Variants in NEK10 observed in about 807,000 individuals in gnomAD.
NEK10 encodes the protein serine/threonine-protein kinase Nek10.
A neutral mutation model predicts 159.8 loss-of-function variants in NEK10; 122 were observed. The ratio of observed to expected loss-of-function variants is 0.76; its 90% CI spans 0.66 to 0.89. NEK10 has a LOEUF of 0.89. NEK10 is among the 40% of genes least tolerant of loss of function. The pLI, the probability that NEK10 is intolerant of heterozygous loss-of-function variation, is 0.00. For missense variants in NEK10, 1,342 were observed against 1,323.1 expected, an observed-to-expected ratio of 1.01 and a Z score of -0.22; for synonymous variants, 466 against 457.1, an observed-to-expected ratio of 1.02 and a Z score of -0.25.
chr3:27,275,200 C>T (rs909443074), intron 22 of NEK10, among the ~76,000 whole-genome samples: 4 of 152,124 alleles, frequency 2.6e-5, no homozygotes, highest in African/African-American at 4.8e-5. Context: ...CTAACTTTGT[C>T]GAATTCCCAT....
At chr3:27,230,914 A>G (rs897087152) in intron 23 of NEK10, among the ~76,000 whole-genome samples, 3 of 151,984 alleles carry the variant, frequency 2.0e-5, no homozygotes, top group Non-Finnish European at 2.9e-5. Flanking sequence ...TAGCAACTCA[A>G]TGGTAGTGGG....
chr3:27,262,710 G>C (rs1430449189), intron 22 of NEK10, among the ~76,000 whole-genome samples: 3 of 152,054 alleles, frequency 2.0e-5, no homozygotes, highest in Non-Finnish European at 4.4e-5. Context: ...TCTCTGCATT[G>C]ATTATTCTAG....
chr3:27,215,879 C>T (rs1450520942), intron 23 of NEK10: 2 of 712,158 alleles, frequency 2.8e-6, no homozygotes, highest in Non-Finnish European at 5.2e-6. Context: ...AGGTGCTGCA[C>T]ACTTTAAACA....
At chr3:27,186,794 T>C (rs1297785582) in intron 26 of NEK10, among the ~76,000 whole-genome samples, 1 of 152,174 alleles carries the variant, frequency 6.6e-6, no homozygotes. Flanking sequence ...TAGAAAAGGA[T>C]GAAGAAGGCA....
At chr3:27,131,773 C>CT in intron 32 of NEK10, 107 bp downstream of exon 32, 1 of 496,144 alleles carries the variant, frequency 2.0e-6, no homozygotes. Context: ...CAATAAGAAA[C>CT]TTTAATAGAG....
intron 23 of NEK10, among the ~76,000 whole-genome samples, chr3:27,210,249 G>A (rs1950888230): frequency 6.6e-6 from 1 of 151,788 alleles, no homozygotes; most frequent in Admixed American, 6.5e-5. Flanking sequence ...TCTTGCTGGT[G>A]CAGACTTTCT....
chr3:27,207,485 A>G (rs1323403628), intron 23 of NEK10, among the ~76,000 whole-genome samples: 1 of 152,196 alleles, frequency 6.6e-6, no homozygotes, highest in Non-Finnish European at 1.5e-5. Flanking sequence ...TATTAATAAA[A>G]GAATCTCAAG....
chr3:27,211,829 T>A (rs770247551), intron 23 of NEK10, among the ~76,000 whole-genome samples: 5 of 152,198 alleles, frequency 3.3e-5, no homozygotes, highest in Non-Finnish European at 7.3e-5. Flanking sequence ...ATTGATTGAT[T>A]GATTGAAAAT....
intron 5 of NEK10, among the ~76,000 whole-genome samples, chr3:27,331,260 A>AC (rs1559513465): frequency 1.4e-4 from 20 of 139,956 alleles, no homozygotes; most frequent in South Asian, 4.5e-4. Flanking sequence ...ACAAAAAAAA[A>AC]AAACACACAA....
At chr3:27,186,811 C>T (rs528984270) in intron 26 of NEK10, among the ~76,000 whole-genome samples, 2 of 152,262 alleles carry the variant, frequency 1.3e-5, no homozygotes, top group South Asian at 2.1e-4. Context: ...GGCACTGGAG[C>T]TGATGGGGCT....
intron 16 of NEK10, 73 bp downstream of exon 16, chr3:27,293,515 C>G: frequency 1.4e-6 from 1 of 732,184 alleles, no homozygotes; most frequent in East Asian, 2.6e-5. Context: ...GCATCTAAGC[C>G]AAGTATGTGA....
chr3:27,205,030 T>C (rs1272162403), intron 23 of NEK10, among the ~76,000 whole-genome samples: 1 of 151,280 alleles, frequency 6.6e-6, no homozygotes, highest in East Asian at 1.9e-4. Context: ...TATCTCATAG[T>C]GGTTTTGATT....
intron 11 of NEK10, among the ~76,000 whole-genome samples, chr3:27,306,502 G>A (rs1331768944): frequency 6.6e-6 from 1 of 152,052 alleles, no homozygotes; most frequent in Non-Finnish European, 1.5e-5. Context: ...TCAATGTGTG[G>A]ATATAAACAA....
At chr3:27,321,445 C>T (rs545048091) in intron 6 of NEK10, among the ~76,000 whole-genome samples, 2 of 152,184 alleles carry the variant, frequency 1.3e-5, no homozygotes, top group African/African-American at 4.8e-5. Flanking sequence ...TAGAGGCAGG[C>T]AGATCACCTG....
At chr3:27,355,672 C>T (rs1373606455) in intron 1 of NEK10, among the ~76,000 whole-genome samples, 4 of 152,114 alleles carry the variant, frequency 2.6e-5, no homozygotes, top group African/African-American at 9.7e-5. Context: ...TCTCTGCTTC[C>T]ACTCTTGCTC....
Position 27,192,158 on chromosome 3 carries a change from G to T in NEK10, c.2376C>A (p.Asp792Glu). The change falls in exon 26 of 36, where the codon GAC (aspartate) becomes GAA (glutamate). Residue 792 changes from aspartate to glutamate, a missense_variant. Transcript: ENST00000691995. ...MISDVMMKYL[D>E]NLSTSQLSLE... is the part of the protein sequence containing the mutation. ...AGGACAACTGGGATGTAGATAAGTTGTCTAAATATTTCATCATGACATCTG... is the reference window on the plus strand; with the variant it reads ...AGGACAACTGGGATGTAGATAAGTTTTCTAAATATTTCATCATGACATCTG... The T allele has an allele frequency of 6.2e-7, 1 of 1,614,132 alleles. No individual in the cohort carries two copies. The highest frequency in any genetic ancestry group is 1.3e-5 in the African/African-American group (1 of 75,060).
chr3:27,337,982 A>G (rs958926361), intron 5 of NEK10, among the ~76,000 whole-genome samples: 1 of 152,154 alleles, frequency 6.6e-6, no homozygotes. Context: ...TCTAAGGTAC[A>G]TGTGCACAAC....
intron 30 of NEK10, among the ~76,000 whole-genome samples, chr3:27,150,268 TA>T (rs1242042243): frequency 1.3e-5 from 2 of 152,198 alleles, no homozygotes; most frequent in East Asian, 3.9e-4. Flanking sequence ...ATGGCTACAC[TA>T]AACAATAGAT....
At chr3:27,248,611 C>G (rs1459707306) in intron 23 of NEK10, among the ~76,000 whole-genome samples, 1 of 151,998 alleles carries the variant, frequency 6.6e-6, no homozygotes, top group Non-Finnish European at 1.5e-5. Context: ...ATTCATTGAC[C>G]CACTGGTCAT....
Sources: gnomAD v4.1 joint callset for allele counts (sites outside exome capture counted in the v4.1 genomes callset) on GRCh38, gnomAD v4.1.1 for gene constraint, MANE v1.5 for transcripts, NCBI Gene and HGNC (gene_info 2026-07-23, HGNC 2026-07-21) for gene names.